Variants in RPTOR observed in about 807,000 individuals in gnomAD.
RPTOR encodes regulatory-associated protein of mTOR.
A neutral mutation model predicts 169.9 loss-of-function variants in RPTOR; 21 were observed. That is an observed-to-expected ratio of 0.12 (90% CI 0.09 to 0.18). RPTOR has a LOEUF of 0.18. Among genes scored for constraint, RPTOR ranks in the 10% least tolerant of loss-of-function variants. RPTOR has a pLI of 1.00. For missense variants in RPTOR, 1,133 were observed against 1,855.9 expected, an observed-to-expected ratio of 0.61 and a Z score of 7.16; for synonymous variants, 732 against 753.2, an observed-to-expected ratio of 0.97 and a Z score of 0.46.
chr17:80,912,029 G>C (rs1228593526), intron 21 of RPTOR, among the ~76,000 whole-genome samples: 1 of 152,204 alleles, frequency 6.6e-6, no homozygotes, highest in Non-Finnish European at 1.5e-5. Context: ...ACGGATTAGG[G>C]AAAATCAGTT....
At chr17:80,615,481 G>T (rs538859602) in intron 1 of RPTOR, among the ~76,000 whole-genome samples, 3 of 152,276 alleles carry the variant, frequency 2.0e-5, no homozygotes, top group African/African-American at 7.2e-5. Context: ...TATATGGAAG[G>T]TGTTAAGAAG....
At chr17:80,644,295 A>T (rs2065576016) in intron 3 of RPTOR, among the ~76,000 whole-genome samples, 1 of 136,516 alleles carries the variant, frequency 7.3e-6, no homozygotes, top group African/African-American at 2.8e-5. Flanking sequence ...CCAGTTACCA[A>T]TTAGTGTGTG....
chr17:80,810,137 C>A (rs2067259407), intron 7 of RPTOR, among the ~76,000 whole-genome samples: 1 of 151,852 alleles, frequency 6.6e-6, no homozygotes, highest in Non-Finnish European at 1.5e-5. Context: ...TTGATGAAGT[C>A]CGATTTCATC....
At chr17:80,565,934 G>A (rs1055081066) in intron 1 of RPTOR, among the ~76,000 whole-genome samples, 2 of 152,238 alleles carry the variant, frequency 1.3e-5, no homozygotes, top group Non-Finnish European at 2.9e-5. Flanking sequence ...CACTGCTCTT[G>A]CTTAGTTTTG....
At chr17:80,700,081 G>T (rs2066071734) in intron 3 of RPTOR, among the ~76,000 whole-genome samples, 1 of 152,214 alleles carries the variant, frequency 6.6e-6, no homozygotes, top group Non-Finnish European at 1.5e-5. Context: ...AAGGTAGGAA[G>T]AAGGTTCTGG....
chr17:80,654,881 A>G (rs964546147), intron 3 of RPTOR, among the ~76,000 whole-genome samples: 1 of 152,238 alleles, frequency 6.6e-6, no homozygotes, highest in Non-Finnish European at 1.5e-5. Flanking sequence ...TATGCGATGC[A>G]TAATTTTCTA....
At chr17:80,624,618 A>G (rs1242049110) in intron 1 of RPTOR, among the ~76,000 whole-genome samples, 1 of 152,214 alleles carries the variant, frequency 6.6e-6, no homozygotes, top group Non-Finnish European at 1.5e-5. Context: ...GAATTAATAC[A>G]TATATCTGTG....
chr17:80,864,812 T>C (rs1567956453), intron 13 of RPTOR, among the ~76,000 whole-genome samples: 1 of 152,268 alleles, frequency 6.6e-6, no homozygotes, highest in Non-Finnish European at 1.5e-5. Context: ...CAGTGTACTA[T>C]GAATTTTTTT....
chr17:80,620,522 T>C (rs1299315597), intron 1 of RPTOR, among the ~76,000 whole-genome samples: 1 of 152,224 alleles, frequency 6.6e-6, no homozygotes, highest in Non-Finnish European at 1.5e-5. Context: ...CCCAGCACTT[T>C]GGGAGGCGGA....
chr17:80,690,775 A>G (rs2065984667), intron 3 of RPTOR, among the ~76,000 whole-genome samples: 1 of 152,112 alleles, frequency 6.6e-6, no homozygotes, highest in South Asian at 2.1e-4. Context: ...ATTAGAGATT[A>G]TGAAAAGATG....
intron 24 of RPTOR, among the ~76,000 whole-genome samples, chr17:80,933,876 C>T (rs1163802726): frequency 6.6e-6 from 1 of 152,220 alleles, no homozygotes; most frequent in African/African-American, 2.4e-5. Context: ...GAGATTACTA[C>T]CCAGCGTCAT....
intron 7 of RPTOR, among the ~76,000 whole-genome samples, chr17:80,805,970 A>G (rs956569619): frequency 6.6e-6 from 1 of 152,232 alleles, no homozygotes; most frequent in Non-Finnish European, 1.5e-5. Context: ...ACAAGTAAAG[A>G]TGAGCAGAAG....
intron 33 of RPTOR, among the ~76,000 whole-genome samples, chr17:80,964,057 C>T (rs969518053): frequency 4.6e-5 from 7 of 152,176 alleles, no homozygotes; most frequent in African/African-American, 1.7e-4. Flanking sequence ...CGGGGCAGCG[C>T]CACGCCCCTC....
At chr17:80,592,296 T>C (rs2065113306) in intron 1 of RPTOR, among the ~76,000 whole-genome samples, 1 of 152,188 alleles carries the variant, frequency 6.6e-6, no homozygotes, top group Non-Finnish European at 1.5e-5. Flanking sequence ...TCAGGTGTGC[T>C]AGAGATCCGC....
chr17:80,560,119 A>T (rs531807652), intron 1 of RPTOR, among the ~76,000 whole-genome samples: 1 of 152,330 alleles, frequency 6.6e-6, no homozygotes, highest in South Asian at 2.1e-4. Flanking sequence ...TGAAAAGCAC[A>T]GTGCAGTCAT....
rs2067719194 is a variant in RPTOR, at chr17:80,845,527, G to T, written c.1213-946G>T. Among the ~76,000 whole-genome samples, 1 of 151,574 alleles carries T rather than the reference G, an allele frequency of 6.6e-6. No individual in the cohort carries two copies. Among genetic ancestry groups the T allele is most frequent in the Non-Finnish European group, 1.5e-5 (1 of 67,850 alleles). ...GCCCCCTTGCTTTGCCGCCTGCCTGGTTCCCCTGGGGAGCAGCCCTGCTCT... is the reference window on the plus strand; with the variant it reads ...GCCCCCTTGCTTTGCCGCCTGCCTGTTTCCCCTGGGGAGCAGCCCTGCTCT... On this transcript the variant is annotated intron_variant, in intron 10 of 33. Transcript: ENST00000306801. This position sits in a 1 kb window ranked among gnomAD's most constrained non-coding sequence, Gnocchi z 5.4.
intron 6 of RPTOR, among the ~76,000 whole-genome samples, chr17:80,779,241 T>C (rs568460414): frequency 3.3e-5 from 5 of 152,184 alleles, no homozygotes; most frequent in Non-Finnish European, 7.3e-5. Context: ...CTTCTGCCTG[T>C]AGAAACACCA....
rs1354697121 is a variant in RPTOR at position 80,922,850 on chromosome 17, G to A, written c.2624+23G>A. 5.2e-6 allele frequency: 8 copies of A among 1,537,934 alleles called. No individual in the cohort carries two copies. In the East Asian group the frequency reaches 1.7e-4, roughly 33 times the overall value. ...GGGGTAAGTGCCGCCCGCTCAGCCT[G>A]CAGGTCCGTGGTGGTGACCGGGGCC... On this transcript the variant is annotated intron_variant, in intron 22 of 33. Transcript: ENST00000306801.
chr17:80,582,062 G>A (rs2065019527), intron 1 of RPTOR, among the ~76,000 whole-genome samples: 2 of 152,162 alleles, frequency 1.3e-5, no homozygotes, highest in Admixed American at 6.6e-5. Flanking sequence ...GGCTTCTGAG[G>A]GCCAGCTGCA....
Sources: gnomAD v4.1 joint callset for allele counts (sites outside exome capture counted in the v4.1 genomes callset) on GRCh38, gnomAD v4.1.1 for gene constraint, Gnocchi (gnomAD v3.1) non-coding constraint, MANE v1.5 for transcripts, NCBI Gene and HGNC (gene_info 2026-07-23, HGNC 2026-07-21) for gene names.